Variants in KCTD16 observed in about 807,000 individuals in gnomAD.
KCTD16 encodes potassium channel tetramerization domain containing 16.
In KCTD16, 13 loss-of-function variants were observed where a neutral mutation model predicts 33.2. The ratio of observed to expected loss-of-function variants is 0.39; its 90% CI spans 0.25 to 0.62. The LOEUF (loss-of-function observed/expected upper bound fraction) is 0.62. KCTD16 is among the 20% of genes least tolerant of loss of function. KCTD16 has a pLI of 0.50. For synonymous variants in KCTD16, 197 were observed against 195.3 expected, an observed-to-expected ratio of 1.01 and a Z score of -0.07; for missense variants, 441 against 525.1, an observed-to-expected ratio of 0.84 and a Z score of 1.57.
intron 3 of KCTD16, among the ~76,000 whole-genome samples, chr5:144,224,375 TATA>T (rs1753860169): frequency 1.5e-5 from 2 of 135,492 alleles, no homozygotes; most frequent in Non-Finnish European, 3.1e-5. Flanking sequence ...ATTGGATCAA[TATA>T]ATGTGTTTTT....
At chr5:144,470,920 C>CTTTGGGAGCCA (rs1236333731) in intron 3 of KCTD16, among the ~76,000 whole-genome samples, 19 of 152,310 alleles carry the variant, frequency 1.2e-4, no homozygotes, top group African/African-American at 4.6e-4. Context: ...GTGGCTCACA[C>CTTTGGGAGCCA]CTATAATCCC....
At chr5:144,355,183 A>C (rs1197300319) in intron 3 of KCTD16, among the ~76,000 whole-genome samples, 2 of 152,128 alleles carry the variant, frequency 1.3e-5, no homozygotes, top group South Asian at 4.1e-4. Context: ...CATTATACAG[A>C]TAGGAATTTT....
chr5:144,232,997 G>A (rs1417142075), intron 3 of KCTD16, among the ~76,000 whole-genome samples: 6 of 152,050 alleles, frequency 3.9e-5, no homozygotes, highest in African/African-American at 7.2e-5. Flanking sequence ...CATGTTGCTC[G>A]TGGACATCCT....
intron 3 of KCTD16, among the ~76,000 whole-genome samples, chr5:144,348,545 G>T (rs1321533076): frequency 6.6e-6 from 1 of 152,200 alleles, no homozygotes; most frequent in Non-Finnish European, 1.5e-5. Context: ...TGCCTTTCAA[G>T]TTTGAGAACT....
chr5:144,437,663 A>G (rs562790712), intron 3 of KCTD16, among the ~76,000 whole-genome samples: 28 of 152,382 alleles, frequency 1.8e-4, no homozygotes, highest in South Asian at 4.1e-4. Context: ...ATGTACAGGT[A>G]GTAACTATTC....
intron 3 of KCTD16, among the ~76,000 whole-genome samples, chr5:144,447,499 A>G (rs1344593307): frequency 2.6e-5 from 4 of 152,128 alleles, no homozygotes; most frequent in Non-Finnish European, 4.4e-5. Flanking sequence ...TCGCACATGT[A>G]TACCTATGTA....
chr5:144,423,320 T>C (rs1431834694), intron 3 of KCTD16, among the ~76,000 whole-genome samples: 1 of 152,074 alleles, frequency 6.6e-6, no homozygotes, highest in Non-Finnish European at 1.5e-5. Flanking sequence ...ACATAATTGG[T>C]TTTATGCTTT....
At chr5:144,225,095 A>G (rs1260979822) in intron 3 of KCTD16, among the ~76,000 whole-genome samples, 1 of 152,208 alleles carries the variant, frequency 6.6e-6, no homozygotes, top group African/African-American at 2.4e-5. Context: ...CAGAAATACC[A>G]GATGGCAATG....
intron 3 of KCTD16, among the ~76,000 whole-genome samples, chr5:144,283,550 C>T (rs750240972): frequency 3.3e-5 from 5 of 152,116 alleles, no homozygotes; most frequent in Non-Finnish European, 5.9e-5. Flanking sequence ...GCCTGAAGTC[C>T]CTATATTATG....
intron 3 of KCTD16, among the ~76,000 whole-genome samples, chr5:144,415,594 T>G (rs1753030710): frequency 6.6e-6 from 1 of 152,168 alleles, no homozygotes; most frequent in Non-Finnish European, 1.5e-5. Flanking sequence ...CAAAACAAGC[T>G]TTGAGGAATT....
At chr5:144,312,010 G>C (rs1751778930) in intron 3 of KCTD16, among the ~76,000 whole-genome samples, 1 of 151,780 alleles carries the variant, frequency 6.6e-6, no homozygotes, top group Admixed American at 6.6e-5. Context: ...AAAGCCATTT[G>C]CTCCAGATTT....
intron 3 of KCTD16, among the ~76,000 whole-genome samples, chr5:144,304,663 A>G (rs1212840884): frequency 6.6e-6 from 1 of 152,202 alleles, no homozygotes; most frequent in African/African-American, 2.4e-5. Flanking sequence ...AGGCAGAATA[A>G]TGACTTGCAC....
In KCTD16 at chr5:144,207,192, G is replaced by A. The variant is rs148158462; in HGVS notation, c.478G>A (p.Asp160Asn). 7,050 of 1,613,260 alleles carry A rather than the reference G, an allele frequency of 4.4e-3. 25 individuals are homozygous for A. The highest frequency in any genetic ancestry group is 5.1e-3 in the Non-Finnish European group (6,056 of 1,179,678). ...ICPPSSLLPA[D>N]RKWGFITVGY... ...CCCCCCTTCCTCCCTGCTCCCTGCC[G>A]ACCGCAAGTGGGGTTTCATTACTGT... is the stretch of plus-strand genomic sequence containing the variant. The change falls in exon 3 of 4, where the codon GAC (aspartate) becomes AAC (asparagine). Residue 160 changes from aspartate (D) to asparagine (N), a missense_variant. By Grantham distance (23) the Asp-to-Asn change is conservative. Transcript: ENST00000512467.
chr5:144,411,100 A>G (rs759442027), intron 3 of KCTD16, among the ~76,000 whole-genome samples: 3 of 152,206 alleles, frequency 2.0e-5, no homozygotes, highest in Non-Finnish European at 4.4e-5. Context: ...TGTTAAAATG[A>G]CACTACTAAC....
chr5:144,258,285 ATAT>A (rs1023619046), intron 3 of KCTD16, among the ~76,000 whole-genome samples: 1 of 151,942 alleles, frequency 6.6e-6, no homozygotes, highest in Non-Finnish European at 1.5e-5. Context: ...ATTCTACTAC[ATAT>A]TATTATTACT....
chr5:144,203,978 C>T (rs1256574047), intron 2 of KCTD16, among the ~76,000 whole-genome samples: 1 of 152,206 alleles, frequency 6.6e-6, no homozygotes, highest in Non-Finnish European at 1.5e-5. Flanking sequence ...CTTGGTCCAG[C>T]ATTAAAATCC....
intron 3 of KCTD16, among the ~76,000 whole-genome samples, chr5:144,272,142 A>G (rs1460060074): frequency 6.6e-6 from 1 of 152,260 alleles, no homozygotes. Context: ...CGATTTTTGT[A>G]GAAAAAAGTC....
At chr5:144,274,207 C>T (rs1384359500) in intron 3 of KCTD16, among the ~76,000 whole-genome samples, 2 of 149,802 alleles carry the variant, frequency 1.3e-5, no homozygotes, top group African/African-American at 2.5e-5. Context: ...TTACTGTTTC[C>T]CCCTCTTTTT....
chr5:144,375,389 T>C (rs1266012726), intron 3 of KCTD16, among the ~76,000 whole-genome samples: 1 of 152,194 alleles, frequency 6.6e-6, no homozygotes, highest in East Asian at 1.9e-4. Flanking sequence ...TGCAGATAAG[T>C]GTGAATATGT....
Sources: allele counts gnomAD v4.1 joint callset (sites outside exome capture counted in the v4.1 genomes callset), GRCh38; gene constraint gnomAD v4.1.1; transcripts MANE v1.5; gene names NCBI Gene and HGNC (gene_info 2026-07-23, HGNC 2026-07-21).